LTBP1: variants seen among roughly 807,000 people sequenced by gnomAD.
LTBP1 encodes latent-transforming growth factor beta-binding protein 1.
Under a neutral mutation model 207.6 loss-of-function variants are expected in LTBP1, and 129 were observed. The ratio of observed to expected loss-of-function variants is 0.62; its 90% confidence interval spans 0.54 to 0.72. The LOEUF (loss-of-function observed/expected upper bound fraction) is 0.72. LTBP1 is among the 30% of genes least tolerant of loss of function. The probability of loss-of-function intolerance (pLI) is 0.00; values close to 1 mark genes in which losing one functional copy is unlikely to be tolerated. For missense variants in LTBP1, 2,281 were observed against 2,217.2 expected (o/e 1.03, Z -0.58); for synonymous variants, 963 against 833.7 (o/e 1.16, Z -2.67).
chr2:32,994,504 T>A (rs1365375850), intron 2 of LTBP1, among the ~76,000 whole-genome samples: 1 of 151,990 alleles, frequency 6.6e-6, no homozygotes, highest in Non-Finnish European at 1.5e-5. Context: ...TTCGCTCTTG[T>A]TGCCCAGGCT....
intron 3 of LTBP1, among the ~76,000 whole-genome samples, chr2:33,025,752 C>A (rs1047768364): frequency 3.9e-5 from 6 of 152,068 alleles, no homozygotes; most frequent in African/African-American, 1.4e-4. Context: ...TCAGAATAAT[C>A]CAGTGGGTTG....
At chr2:33,070,433 C>T (rs1270494490) in intron 3 of LTBP1, among the ~76,000 whole-genome samples, 2 of 152,198 alleles carry the variant, frequency 1.3e-5, no homozygotes, top group Non-Finnish European at 2.9e-5. Flanking sequence ...CTGGTGGCCA[C>T]AGGCCATCAC....
At chr2:33,339,733 T>C (rs10451637) in intron 24 of LTBP1, among the ~76,000 whole-genome samples, 86,001 of 151,266 alleles carry the variant, frequency 0.57, 25,755 homozygotes, top group African/African-American at 0.76. Flanking sequence ...GCAACCTCTG[T>C]CTCCCAGGTT....
chr2:33,072,140 G>C (rs2077823547), intron 3 of LTBP1, among the ~76,000 whole-genome samples: 2 of 152,170 alleles, frequency 1.3e-5, no homozygotes, highest in South Asian at 4.1e-4. Context: ...TGACTAATTT[G>C]CTAGAGCGGC....
At chr2:33,106,373 A>C (rs950549243) in intron 3 of LTBP1, among the ~76,000 whole-genome samples, 1 of 152,210 alleles carries the variant, frequency 6.6e-6, no homozygotes, top group Non-Finnish European at 1.5e-5. Context: ...GATGTTTTCC[A>C]ATTTACTTTG....
At chr2:32,958,542 T>C (rs1022421568) in intron 2 of LTBP1, among the ~76,000 whole-genome samples, 1 of 152,178 alleles carries the variant, frequency 6.6e-6, no homozygotes, top group African/African-American at 2.4e-5. Flanking sequence ...TCATCAGCGT[T>C]GAGCTCCTGG....
intron 3 of LTBP1, among the ~76,000 whole-genome samples, chr2:33,083,101 C>T (rs562065127): frequency 2.6e-5 from 4 of 151,918 alleles, no homozygotes; most frequent in East Asian, 2.0e-4. Context: ...ATCTCTTCTC[C>T]GTCCTGCTTG....
chr2:33,130,773 A>T (rs372819387), intron 4 of LTBP1, among the ~76,000 whole-genome samples: 1 of 152,144 alleles, frequency 6.6e-6, no homozygotes, highest in East Asian at 1.9e-4. Flanking sequence ...AGGAGGCCCA[A>T]TGGCGGTGCT....
chr2:33,198,904 T>C (rs1292260730), intron 7 of LTBP1, among the ~76,000 whole-genome samples: 2 of 152,238 alleles, frequency 1.3e-5, no homozygotes, highest in African/African-American at 4.8e-5. Flanking sequence ...TTCTTTGAGT[T>C]CTGCTCTGAT....
chr2:33,101,278 A>T (rs935668454), intron 3 of LTBP1, among the ~76,000 whole-genome samples: 1 of 152,220 alleles, frequency 6.6e-6, no homozygotes, highest in African/African-American at 2.4e-5. Flanking sequence ...CTTATATTTA[A>T]TGAAACTTTA....
chr2:33,378,226 G>GT (rs1213773927), intron 31 of LTBP1, among the ~76,000 whole-genome samples: 4 of 120,576 alleles, frequency 3.3e-5, no homozygotes, highest in African/African-American at 9.9e-5. Flanking sequence ...TGTGTGTTTT[G>GT]TTTGTTTGTT....
intron 9 of LTBP1, among the ~76,000 whole-genome samples, chr2:33,226,257 T>C (rs956645616): frequency 2.6e-5 from 4 of 152,224 alleles, no homozygotes; most frequent in Admixed American, 2.6e-4. Context: ...GGGTGTCTTA[T>C]AGACAACATG....
chr2:33,309,749 C>G (rs1174097710), intron 23 of LTBP1, among the ~76,000 whole-genome samples, 193 bp downstream of exon 23: 1 of 152,186 alleles, frequency 6.6e-6, no homozygotes, highest in Non-Finnish European at 1.5e-5. Context: ...ATAGTGTCAA[C>G]TGAAACTCAC....
At chr2:33,035,850 C>G (rs1252845007) in intron 3 of LTBP1, among the ~76,000 whole-genome samples, 2 of 152,062 alleles carry the variant, frequency 1.3e-5, no homozygotes, top group Non-Finnish European at 2.9e-5. Flanking sequence ...ATAAAAAAAC[C>G]CAAACTGTTG....
intron 2 of LTBP1, 48 bp from the exon 3 acceptor site, chr2:33,020,861 T>A: frequency 1.3e-6 from 2 of 1,496,032 alleles, no homozygotes; most frequent in Non-Finnish European, 1.8e-6. Context: ...AATTAGGAAG[T>A]CTACAATGTT....
chr2:33,288,333 G>A (rs2093705175), intron 19 of LTBP1, among the ~76,000 whole-genome samples: 1 of 150,342 alleles, frequency 6.7e-6, no homozygotes. Context: ...GGTGGGCTGT[G>A]CCCACCAGGG....
At chr2:33,050,168 T>C (rs1256408656) in intron 3 of LTBP1, among the ~76,000 whole-genome samples, 9 of 101,620 alleles carry the variant, frequency 8.9e-5, no homozygotes, top group South Asian at 3.2e-4. Flanking sequence ...TTTTTTTTTT[T>C]CCCTAGAACG....
intron 2 of LTBP1, among the ~76,000 whole-genome samples, chr2:33,017,416 C>T (rs1227294283): frequency 6.6e-6 from 1 of 152,108 alleles, no homozygotes; most frequent in African/African-American, 2.4e-5. Flanking sequence ...TTGCTGGGCT[C>T]CAGTTTCAGA....
chr2:33,345,201 C>T (rs148166673), intron 25 of LTBP1, among the ~76,000 whole-genome samples: 1 of 152,250 alleles, frequency 6.6e-6, no homozygotes, highest in Non-Finnish European at 1.5e-5. Flanking sequence ...ATTTCTCTAA[C>T]CCACCCCCAC....
Sources: allele counts gnomAD v4.1 joint callset (sites outside exome capture counted in the v4.1 genomes callset), GRCh38; gene constraint gnomAD v4.1.1; transcripts MANE v1.5; gene names NCBI Gene and HGNC (gene_info 2026-07-23, HGNC 2026-07-21).